The following DOP1B variants were observed in gnomAD, a reference collection of about 807,000 sequenced individuals.
The protein encoded by DOP1B is protein DOP1B.
DOP1B carries 174 observed loss-of-function variants against 233.5 expected under a neutral mutation model. The ratio of observed to expected loss-of-function variants is 0.75; its 90% CI spans 0.66 to 0.85. The LOEUF (loss-of-function observed/expected upper bound fraction) is 0.85, where lower values mean the gene tolerates loss of function less well. Among genes scored for constraint, DOP1B ranks in the 40% least tolerant of loss-of-function variants. The pLI, the probability that DOP1B is intolerant of heterozygous loss-of-function variation, is 0.00. For synonymous variants in DOP1B, 1,190 were observed against 1,185.6 expected (o/e 1.00, Z -0.08); for missense variants, 2,652 against 2,846.6 (o/e 0.93, Z 1.56).
intron 2 of DOP1B, among the ~76,000 whole-genome samples, chr21:36,180,475 G>A (rs950039630): frequency 1.3e-5 from 2 of 152,156 alleles, no homozygotes; most frequent in African/African-American, 2.4e-5. Context: ...GGAGGCTGAG[G>A]CAGGAGAATC....
chr21:36,273,851 G>A (rs57185707), intron 27 of DOP1B, among the ~76,000 whole-genome samples: 20,583 of 151,960 alleles, frequency 0.14, 1,487 homozygotes, highest in South Asian at 0.25. Context: ...CGAGGCGGGC[G>A]GATCACGAGG....
intron 32 of DOP1B, among the ~76,000 whole-genome samples, chr21:36,282,786 C>A (rs1168156699): frequency 2.0e-5 from 3 of 151,848 alleles, no homozygotes; most frequent in Non-Finnish European, 4.4e-5. Flanking sequence ...CATCAGCCTG[C>A]CCAATGTGGT....
chr21:36,169,244 C>G, intron 2 of DOP1B: 1 of 922,184 alleles, frequency 1.1e-6, no homozygotes. Context: ...AAGGTCGATG[C>G]TCTTGTCAGA....
intron 21 of DOP1B, 110 bp from the exon 22 acceptor site, chr21:36,251,051 CA>C: frequency 1.4e-6 from 2 of 1,425,578 alleles, no homozygotes; most frequent in Non-Finnish European, 9.3e-7. Flanking sequence ...ACATTGGGCA[CA>C]AACATGACAG....
At chr21:36,174,050 A>G (rs1025267115) in intron 2 of DOP1B, among the ~76,000 whole-genome samples, 4 of 152,126 alleles carry the variant, frequency 2.6e-5, no homozygotes, top group Non-Finnish European at 5.9e-5. Context: ...AGCTACAAGC[A>G]CCTCCTGTTT....
intron 36 of DOP1B, among the ~76,000 whole-genome samples, 158 bp downstream of exon 36, chr21:36,292,391 G>T (rs2067570503): frequency 6.6e-6 from 1 of 151,468 alleles, no homozygotes; most frequent in African/African-American, 2.4e-5. Context: ...GGAGTAGCTG[G>T]GATTACAGGA....
intron 2 of DOP1B, among the ~76,000 whole-genome samples, chr21:36,196,818 G>A (rs1174253581): frequency 2.0e-5 from 3 of 152,134 alleles, no homozygotes; most frequent in Admixed American, 2.0e-4. Flanking sequence ...TATTCAGGAG[G>A]CCAAGGTGGG....
intron 2 of DOP1B, among the ~76,000 whole-genome samples, chr21:36,186,957 CG>C (rs1161375391): frequency 2.0e-5 from 3 of 152,052 alleles, no homozygotes; most frequent in Non-Finnish European, 2.9e-5. Flanking sequence ...CATTGACTTT[CG>C]GGGCCCGTCT....
Position 36,227,673 on chromosome 21 carries a change from G to C in DOP1B, c.1474-13G>C. ...CCAACATTGTGGGGTTAACCTACAC[G>C]TTTATTTCACAGGAACTTTACTCTG... is the stretch of plus-strand genomic sequence containing the variant. On this transcript the variant is annotated splice_polypyrimidine_tract_variant and intron_variant, in intron 12 of 36. Coordinates refer to ENST00000691173, the MANE Select transcript of DOP1B (RefSeq NM_001320714.2). 1 of 1,510,852 alleles carries C rather than the reference G, an allele frequency of 6.6e-7. No homozygotes were observed. Among genetic ancestry groups the C allele is most frequent in the Non-Finnish European group, 8.9e-7 (1 of 1,120,914 alleles). 93.6% of individuals were successfully genotyped at this position (1,510,852 alleles called of 1,614,324 possible).
At chr21:36,232,260 G>A (rs2066776357) in intron 14 of DOP1B, among the ~76,000 whole-genome samples, 1 of 152,184 alleles carries the variant, frequency 6.6e-6, no homozygotes, top group South Asian at 2.1e-4. Flanking sequence ...TGGGATTACA[G>A]GCATGAGCCA....
chr21:36,270,394 A>T (rs1228498730), intron 27 of DOP1B, among the ~76,000 whole-genome samples: 5 of 151,130 alleles, frequency 3.3e-5, no homozygotes, highest in African/African-American at 1.2e-4. Flanking sequence ...CTCTACTAAA[A>T]GTAAAAAAAT....
At position 36,165,585 on chromosome 21, in the gene DOP1B, G is replaced by A. The variant is rs558547463; in HGVS notation, c.138+714G>A. Among the ~76,000 whole-genome samples the A allele has an allele frequency of 4.7e-4, 72 of 152,210 alleles. 1 individual carries two copies. Among genetic ancestry groups the A allele is most frequent in the African/African-American group, 1.7e-3 (69 of 41,530 alleles). On this transcript the variant is annotated intron_variant, in intron 2 of 36. Transcript: ENST00000691173. ...CCGGGACGCACAGCAGGAGGTGAGC[G>A]GTGCGAGCGAGCATTACTGCTTGGG...
chr21:36,244,303 T>C (rs1478577331), intron 18 of DOP1B, among the ~76,000 whole-genome samples: 1 of 152,130 alleles, frequency 6.6e-6, no homozygotes, highest in Non-Finnish European at 1.5e-5. Context: ...ATTACAGGCA[T>C]GAGCCACCAT....
intron 32 of DOP1B, among the ~76,000 whole-genome samples, chr21:36,285,549 C>G (rs1371963747): frequency 6.6e-6 from 1 of 152,120 alleles, no homozygotes; most frequent in Admixed American, 6.6e-5. Flanking sequence ...GCCCAGCCCC[C>G]CTGAGTCCTG....
chr21:36,230,430 C>T lies in DOP1B; in HGVS notation c.1666-20C>T, dbSNP rs2066746598. 5.0e-6 allele frequency: 8 copies of T among 1,589,112 alleles called. No homozygotes were observed. Among genetic ancestry groups the T allele is most frequent in the Non-Finnish European group, 6.9e-6 (8 of 1,163,904 alleles). ...TTGGTGTTAAGAGATGCACAATTCACATCTTTTTATTTTTTACAGAGTCCA... is the reference window on the plus strand; with the variant it reads ...TTGGTGTTAAGAGATGCACAATTCATATCTTTTTATTTTTTACAGAGTCCA... On this transcript the variant is annotated intron_variant, in intron 13 of 36. Coordinates refer to ENST00000691173, the MANE Select transcript of DOP1B (RefSeq NM_001320714.2).
At chr21:36,268,120 C>T (rs1366548471) in intron 26 of DOP1B, among the ~76,000 whole-genome samples, 2 of 152,036 alleles carry the variant, frequency 1.3e-5, no homozygotes, top group East Asian at 3.9e-4. Context: ...GGAGTTTTTC[C>T]CCACTCTAGT....
intron 2 of DOP1B, among the ~76,000 whole-genome samples, chr21:36,168,380 T>A (rs910176759): frequency 6.6e-6 from 1 of 152,138 alleles, no homozygotes; most frequent in African/African-American, 2.4e-5. Context: ...GGGTGCATAC[T>A]TAGGAGGGGC....
intron 1 of DOP1B, among the ~76,000 whole-genome samples, chr21:36,162,758 T>C (rs1364736685): frequency 1.3e-5 from 2 of 152,106 alleles, no homozygotes; most frequent in African/African-American, 4.8e-5. Flanking sequence ...TTGGCCAGGC[T>C]GGTCTCAAAC....
intron 32 of DOP1B, among the ~76,000 whole-genome samples, 169 bp from the exon 33 acceptor site, chr21:36,287,845 A>G (rs577340819): frequency 2.1e-4 from 32 of 152,110 alleles, no homozygotes; most frequent in African/African-American, 7.7e-4. Context: ...TCGGCCTCCC[A>G]AAGTGCTGGG....
Sources: allele counts gnomAD v4.1 joint callset (sites outside exome capture counted in the v4.1 genomes callset), GRCh38; gene constraint gnomAD v4.1.1; transcripts MANE v1.5; gene names NCBI Gene and HGNC (gene_info 2026-07-23, HGNC 2026-07-21).